Variants in TMEM132D observed in about 807,000 individuals in gnomAD.
TMEM132D encodes transmembrane protein 132D.
A neutral mutation model predicts 62.3 loss-of-function variants in TMEM132D; 21 were observed. The observed-to-expected ratio is 0.34, with a 90% CI of 0.24 to 0.49. The LOEUF is 0.49. Among genes scored for constraint, TMEM132D ranks in the 20% least tolerant of loss-of-function variants. The pLI, the probability that TMEM132D is intolerant of heterozygous loss-of-function variation, is 0.99. For synonymous variants in TMEM132D, 621 were observed against 575.6 expected, an observed-to-expected ratio of 1.08 and a Z score of -1.13; for missense variants, 1,346 against 1,402.8, an observed-to-expected ratio of 0.96 and a Z score of 0.65.
chr12:129,161,885 CAT>C (rs746210643), intron 5 of TMEM132D, among the ~76,000 whole-genome samples: 10 of 152,152 alleles, frequency 6.6e-5, no homozygotes, highest in African/African-American at 9.7e-5. Context: ...ACTTTAAAAT[CAT>C]ATCGAAATGT....
chr12:129,707,863 T>G (rs1881543151), intron 1 of TMEM132D, among the ~76,000 whole-genome samples: 1 of 152,162 alleles, frequency 6.6e-6, no homozygotes, highest in South Asian at 2.1e-4. Flanking sequence ...TGAGGGGGAC[T>G]GATTAAATAT....
intron 1 of TMEM132D, among the ~76,000 whole-genome samples, chr12:129,797,793 A>G (rs1157534000): frequency 6.6e-6 from 1 of 152,212 alleles, no homozygotes; most frequent in Non-Finnish European, 1.5e-5. Flanking sequence ...ATGGCTAAGA[A>G]TATCCAGTGA....
chr12:129,326,893 T>C (rs1868931548), intron 4 of TMEM132D, among the ~76,000 whole-genome samples: 2 of 152,066 alleles, frequency 1.3e-5, no homozygotes, highest in Admixed American at 6.6e-5. Context: ...AAATAATAGG[T>C]ACTCAAATAC....
At chr12:129,152,432 T>C (rs1877101755) in intron 5 of TMEM132D, among the ~76,000 whole-genome samples, 1 of 152,224 alleles carries the variant, frequency 6.6e-6, no homozygotes, top group Admixed American at 6.5e-5. Context: ...GTTATCTCAC[T>C]ACTGCTCATC....
At chr12:129,475,674 C>T (rs1261199729) in intron 3 of TMEM132D, among the ~76,000 whole-genome samples, 1 of 152,158 alleles carries the variant, frequency 6.6e-6, no homozygotes, top group African/African-American at 2.4e-5. Flanking sequence ...ACTGCTTCAT[C>T]GTATAATAAT....
intron 2 of TMEM132D, among the ~76,000 whole-genome samples, chr12:129,560,485 G>A (rs967673080): frequency 6.6e-6 from 1 of 151,902 alleles, no homozygotes; most frequent in Admixed American, 6.6e-5. Context: ...GGCCATGCTG[G>A]TCTTGAACTC....
rs3046846 is a variant in TMEM132D at position 129,813,611 on chromosome 12, GATATATATAT to G, written c.79+89640_79+89649del. On this transcript the variant is annotated intron_variant, in intron 1 of 8. Transcript: ENST00000422113. ...AAGGATGGACGGATACAGAAAATGT[GATATATATAT>G]ATATATATATTTTCAGGACTATTTC... Among the ~76,000 whole-genome samples the G allele has an allele frequency of 4.8e-3, 660 of 136,684 alleles. 17 individuals are homozygous for G. Among genetic ancestry groups the G allele is most frequent in the African/African-American group, 0.016 (609 of 38,134 alleles). The allele number at this position is 136,684 out of a possible 152,430, so 89.7% of individuals were successfully genotyped here.
At chr12:129,537,423 C>A (rs1013443356) in intron 2 of TMEM132D, among the ~76,000 whole-genome samples, 1 of 152,138 alleles carries the variant, frequency 6.6e-6, no homozygotes, top group South Asian at 2.1e-4. Flanking sequence ...CCTTTAATTC[C>A]CAAGAACGGG....
At chr12:129,445,142 A>G (rs1873059536) in intron 3 of TMEM132D, among the ~76,000 whole-genome samples, 1 of 152,196 alleles carries the variant, frequency 6.6e-6, no homozygotes, top group Non-Finnish European at 1.5e-5. Flanking sequence ...ATGAAAGAAC[A>G]ATATCATGTC....
intron 5 of TMEM132D, among the ~76,000 whole-genome samples, chr12:129,195,796 C>A (rs906557328): frequency 6.6e-6 from 1 of 152,172 alleles, no homozygotes; most frequent in South Asian, 2.1e-4. Flanking sequence ...TTAAATGGAT[C>A]GTGTCCATTC....
Position 129,443,427 on chromosome 12 carries a change from GAT to G in TMEM132D, c.1115+87630_1115+87631del, listed in dbSNP as rs553137996. Among the ~76,000 whole-genome samples, 514 of 152,296 alleles carry G rather than the reference GAT, an allele frequency of 3.4e-3. 4 individuals are homozygous for G. Among genetic ancestry groups the G allele is most frequent in the Non-Finnish European group, 3.5e-3 (239 of 68,022 alleles). On this transcript the variant is annotated intron_variant, in intron 3 of 8. Coordinates refer to ENST00000422113, the MANE Select transcript of TMEM132D (RefSeq NM_133448.3). Reference sequence around the variant, plus strand: ...TGCTTTATACACACTCTGATCTGATGATAAATATGAGAAGATAAAAGCTGAGT... The same window carrying G: ...TGCTTTATACACACTCTGATCTGATGAAATATGAGAAGATAAAAGCTGAGT...
Position 129,415,801 on chromosome 12 carries a change from T to C in TMEM132D, c.1116-77984A>G, listed in dbSNP as rs139556068. Among the ~76,000 whole-genome samples the C allele has an allele frequency of 3.9e-5, 6 of 152,290 alleles. No homozygotes were observed. In the East Asian group the frequency reaches 9.7e-4, roughly 25 times the overall value. On this transcript the variant is annotated intron_variant, in intron 3 of 8. Transcript: ENST00000422113. Reference sequence around the variant, plus strand: ...AGGACCATCCACACAGGGAAATGCATTGATCAGACTGGCATGGTGGCTGAC... The same window carrying C: ...AGGACCATCCACACAGGGAAATGCACTGATCAGACTGGCATGGTGGCTGAC...
intron 1 of TMEM132D, among the ~76,000 whole-genome samples, chr12:129,745,566 A>G (rs1433699863): frequency 1.3e-5 from 2 of 151,828 alleles, no homozygotes; most frequent in South Asian, 2.1e-4. Context: ...TCCCTCCTTC[A>G]CTTCTTTCAT....
chr12:129,593,995 G>C (rs566436552), intron 2 of TMEM132D, among the ~76,000 whole-genome samples: 1 of 152,240 alleles, frequency 6.6e-6, no homozygotes, highest in African/African-American at 2.4e-5. Context: ...GTCAGACTAA[G>C]AGGTCTCATT....
At chr12:129,128,976 T>C (rs1454350665) in intron 5 of TMEM132D, among the ~76,000 whole-genome samples, 1 of 151,582 alleles carries the variant, frequency 6.6e-6, no homozygotes, top group Non-Finnish European at 1.5e-5. Flanking sequence ...ACGCACCACA[T>C]TTTCTTTTCT....
chr12:129,772,023 C>A lies in TMEM132D; in HGVS notation c.80-71325G>T, dbSNP rs1341485698. On this transcript the variant is annotated intron_variant, in intron 1 of 8. Coordinates refer to ENST00000422113, the MANE Select transcript of TMEM132D (RefSeq NM_133448.3). Reference sequence around the variant, plus strand: ...CAAGAAAGCAGAGTGCTGCATTTCCCCCAGTGGCAACCCTAGGGGAGAACT... The same window carrying A: ...CAAGAAAGCAGAGTGCTGCATTTCCACCAGTGGCAACCCTAGGGGAGAACT... Among the ~76,000 whole-genome samples the A allele has an allele frequency of 2.0e-5, 3 of 152,162 alleles. No individual in the cohort carries two copies. The East Asian group carries it at 5.8e-4, about 29-fold the overall frequency.
intron 1 of TMEM132D, among the ~76,000 whole-genome samples, chr12:129,809,685 G>GT (rs1362836564): frequency 1.3e-5 from 2 of 152,072 alleles, no homozygotes; most frequent in Non-Finnish European, 2.9e-5. Context: ...GTACATGTTT[G>GT]TTTTTTTAAA....
chr12:129,285,804 C>T (rs980869026), intron 4 of TMEM132D, among the ~76,000 whole-genome samples: 2 of 151,966 alleles, frequency 1.3e-5, no homozygotes, highest in Non-Finnish European at 2.9e-5. Context: ...TAATTTCAAC[C>T]CACATCACTC....
intron 2 of TMEM132D, among the ~76,000 whole-genome samples, chr12:129,543,927 C>A (rs771898905): frequency 5.9e-5 from 9 of 152,106 alleles, no homozygotes; most frequent in Non-Finnish European, 1.2e-4. Context: ...ATCTTTGATA[C>A]CATAGCAAGT....
Sources: allele counts gnomAD v4.1 joint callset (sites outside exome capture counted in the v4.1 genomes callset), GRCh38; gene constraint gnomAD v4.1.1; transcripts MANE v1.5; gene names NCBI Gene and HGNC (gene_info 2026-07-23, HGNC 2026-07-21).